Variants in TMEM131 observed in about 807,000 individuals in gnomAD.
TMEM131 encodes the protein 2610524E03Rik.
A neutral mutation model predicts 211.6 loss-of-function variants in TMEM131; 66 were observed. The ratio of observed to expected loss-of-function variants is 0.31; its 90% CI spans 0.26 to 0.38. The LOEUF (loss-of-function observed/expected upper bound fraction) is 0.38. TMEM131 is among the 10% of genes least tolerant of loss of function. The probability of loss-of-function intolerance (pLI) is 1.00; values close to 1 mark genes in which losing one functional copy is unlikely to be tolerated. For missense variants in TMEM131, 2,036 were observed against 2,299.3 expected (o/e 0.89, Z 2.34); for synonymous variants, 844 against 841.3 (o/e 1.00, Z -0.06).
At chr2:97,945,222 T>C (rs1180426344) in intron 1 of TMEM131, among the ~76,000 whole-genome samples, 2 of 152,160 alleles carry the variant, frequency 1.3e-5, no homozygotes, top group African/African-American at 2.4e-5. Context: ...CAAAAGGCCA[T>C]ATATTTTAGT....
rs532500381 is a variant in TMEM131, at chr2:97,789,145, T to G, written c.4144+3241A>C. Reference sequence around the variant, plus strand: ...AAACTGTTCTTTCCAAGGTCACAAATAATGTCCTCAAGTCCAGGCTCCGCG... The same window carrying G: ...AAACTGTTCTTTCCAAGGTCACAAAGAATGTCCTCAAGTCCAGGCTCCGCG... On this transcript the variant is annotated intron_variant, in intron 31 of 40. Transcript: ENST00000186436. Among the ~76,000 whole-genome samples, 3 of 152,320 alleles carry G rather than the reference T, an allele frequency of 2.0e-5. No homozygotes were observed. The South Asian group carries it at 6.2e-4, about 32-fold the overall frequency.
chr2:97,944,853 G>A (rs993586688), intron 1 of TMEM131, among the ~76,000 whole-genome samples: 2 of 152,076 alleles, frequency 1.3e-5, no homozygotes, highest in African/African-American at 2.4e-5. Context: ...CGCCTAAGTC[G>A]CTGGTGGTAA....
At chr2:97,850,532 C>A (rs1429722926) in intron 5 of TMEM131, among the ~76,000 whole-genome samples, 1 of 152,142 alleles carries the variant, frequency 6.6e-6, no homozygotes, top group African/African-American at 2.4e-5. Flanking sequence ...CTGACCATGA[C>A]TGTAAGGTGC....
At chr2:97,806,965 T>A (rs1265911709) in intron 19 of TMEM131, among the ~76,000 whole-genome samples, 1 of 152,122 alleles carries the variant, frequency 6.6e-6, no homozygotes, top group African/African-American at 2.4e-5. Context: ...TCACCGCACT[T>A]GGCGTACTTG....
At chr2:97,805,261 C>A in intron 21 of TMEM131, 56 bp from the exon 22 acceptor site, 1 of 1,569,376 alleles carries the variant, frequency 6.4e-7, no homozygotes. Flanking sequence ...AATTTTCCTT[C>A]AAATAATTTC....
chr2:97,838,081 C>T (rs1217199740), intron 7 of TMEM131, among the ~76,000 whole-genome samples: 1 of 152,172 alleles, frequency 6.6e-6, no homozygotes, highest in African/African-American at 2.4e-5. Flanking sequence ...GATGACTATA[C>T]CGCAGTTTTT....
chr2:97,983,614 G>A (rs1458566620), intron 1 of TMEM131, among the ~76,000 whole-genome samples: 1 of 152,024 alleles, frequency 6.6e-6, no homozygotes, highest in African/African-American at 2.4e-5. Flanking sequence ...GCTGACCAAT[G>A]GTTACCTCCT....
intron 4 of TMEM131, among the ~76,000 whole-genome samples, chr2:97,869,265 T>G (rs544695901): frequency 1.3e-4 from 20 of 152,326 alleles, no homozygotes; most frequent in African/African-American, 3.4e-4. Flanking sequence ...ACAGGTAATT[T>G]GGGGTATCCT....
intron 4 of TMEM131, among the ~76,000 whole-genome samples, chr2:97,886,987 G>A (rs1156949996): frequency 2.0e-5 from 3 of 152,216 alleles, no homozygotes; most frequent in African/African-American, 7.2e-5. Flanking sequence ...GGGATGGCCC[G>A]CAGGGCTGTT....
At chr2:97,840,018 G>A (rs1161415268) in intron 7 of TMEM131, among the ~76,000 whole-genome samples, 9 of 152,188 alleles carry the variant, frequency 5.9e-5, no homozygotes, top group Non-Finnish European at 1.0e-4. Context: ...ACATTTTCTC[G>A]CTTTACAATC....
At chr2:97,822,742 G>A (rs1223344083) in intron 11 of TMEM131, among the ~76,000 whole-genome samples, 3 of 152,022 alleles carry the variant, frequency 2.0e-5, no homozygotes, top group Non-Finnish European at 4.4e-5. Flanking sequence ...CGATCAGCAG[G>A]GTCCAGGGAC....
chr2:97,808,329 G>A (rs1681403738), intron 19 of TMEM131, among the ~76,000 whole-genome samples: 1 of 152,148 alleles, frequency 6.6e-6, no homozygotes, highest in Non-Finnish European at 1.5e-5. Context: ...GCAATGTCTT[G>A]TTTCTCTTAA....
chr2:97,992,225 A>G (rs1055084509), intron 1 of TMEM131, among the ~76,000 whole-genome samples: 11 of 152,232 alleles, frequency 7.2e-5, no homozygotes, highest in African/African-American at 2.7e-4. Context: ...GAAAAAGTAA[A>G]TAACACTCCT....
At position 97,756,935 on chromosome 2, in the gene TMEM131, C is replaced by G. The variant is rs934121360; in HGVS notation, c.*164G>C. The G allele has an allele frequency of 7.0e-6, 5 of 717,450 alleles. No individual in the cohort carries two copies. Among genetic ancestry groups the G allele is most frequent in the East Asian group, 6.0e-5 (2 of 33,240 alleles). 44.4% of individuals were successfully genotyped at this position (717,450 alleles called of 1,614,324 possible). On this transcript the variant is annotated 3_prime_UTR_variant, in exon 41 of 41. Transcript: ENST00000186436. Reference sequence around the variant, plus strand: ...ATGTTATCATAATTGCAAGAAAGATCTGAAAGAAGCGAGTGGTCTGAGCCT... The same window carrying G: ...ATGTTATCATAATTGCAAGAAAGATGTGAAAGAAGCGAGTGGTCTGAGCCT...
intron 1 of TMEM131, among the ~76,000 whole-genome samples, chr2:97,964,620 AAACC>A (rs1204448998): frequency 3.9e-5 from 6 of 152,218 alleles, no homozygotes; most frequent in Admixed American, 2.0e-4. Flanking sequence ...ATTTTTCCTT[AAACC>A]ACCTGTTTAC....
At chr2:97,833,338 T>C in intron 11 of TMEM131, 27 bp downstream of exon 11, 1 of 1,026,800 alleles carries the variant, frequency 9.7e-7, no homozygotes, top group Non-Finnish European at 1.4e-6. Context: ...ATATATAAAT[T>C]AGGGGAAAAA....
In TMEM131 at chr2:97,811,251, G is replaced by C; in HGVS notation, c.1864-19C>G. ...ATGTTACCTGTAGATAGTAGAAATG[G>C]TATCATTCATTAGCCTTGTTAGTTG... On this transcript the variant is annotated intron_variant, in intron 17 of 40. Transcript: ENST00000186436. 1.9e-6 allele frequency: 3 copies of C among 1,581,326 alleles called. No homozygotes were observed. The highest frequency in any genetic ancestry group is 2.6e-6 in the Non-Finnish European group (3 of 1,150,694).
At chr2:97,818,428 GAATC>G (rs1022671880) in intron 12 of TMEM131, among the ~76,000 whole-genome samples, 181 bp downstream of exon 12, 2 of 118,930 alleles carry the variant, frequency 1.7e-5, no homozygotes, top group Non-Finnish European at 1.6e-5. Flanking sequence ...TTTCTCTCAT[GAATC>G]AATCAAGTAA....
chr2:97,900,658 TA>T (rs1442799323), intron 3 of TMEM131, among the ~76,000 whole-genome samples: 1 of 152,124 alleles, frequency 6.6e-6, no homozygotes, highest in Non-Finnish European at 1.5e-5. Flanking sequence ...CTATTGTGAA[TA>T]ATGCTTCAAT....
Sources: allele counts gnomAD v4.1 joint callset (sites outside exome capture counted in the v4.1 genomes callset), GRCh38; gene constraint gnomAD v4.1.1; transcripts MANE v1.5; gene names NCBI Gene and HGNC (gene_info 2026-07-23, HGNC 2026-07-21).